Variants in AGBL1 observed in about 807,000 individuals in gnomAD.
AGBL1 encodes the protein cytosolic carboxypeptidase 4.
In AGBL1, 130 loss-of-function variants were observed where a neutral mutation model predicts 118.9. That is an observed-to-expected ratio of 1.09 (90% CI 0.95 to 1.26). AGBL1 has a LOEUF of 1.26. AGBL1 is among the 50% of genes most tolerant of loss of function. The pLI, the probability that AGBL1 is intolerant of heterozygous loss-of-function variation, is 0.00. For synonymous variants in AGBL1, 555 were observed against 478.9 expected (o/e 1.16, Z -2.08); for missense variants, 1,584 against 1,298.1 (o/e 1.22, Z -3.38).
intron 18 of AGBL1, among the ~76,000 whole-genome samples, chr15:86,464,145 C>A (rs575221407): frequency 6.6e-6 from 1 of 151,778 alleles, no homozygotes; most frequent in African/African-American, 2.4e-5. Context: ...CCCAGAAAGA[C>A]GGTCTTCGTG....
chr15:86,214,501 G>T (rs1246878654), intron 5 of AGBL1, among the ~76,000 whole-genome samples: 1 of 152,192 alleles, frequency 6.6e-6, no homozygotes, highest in Non-Finnish European at 1.5e-5. Flanking sequence ...ATGGACTTTT[G>T]AATTGTTTAA....
At chr15:86,798,914 G>C (rs886906130) in intron 22 of AGBL1, among the ~76,000 whole-genome samples, 2 of 151,958 alleles carry the variant, frequency 1.3e-5, no homozygotes, top group Non-Finnish European at 2.9e-5. Flanking sequence ...TTGACTTAAA[G>C]ATTTGGGGAA....
intron 18 of AGBL1, among the ~76,000 whole-genome samples, chr15:86,489,401 T>C (rs995238616): frequency 2.0e-5 from 3 of 152,174 alleles, no homozygotes; most frequent in Admixed American, 6.5e-5. Flanking sequence ...TTTCCACATA[T>C]ATCATCTGAC....
Position 86,262,264 on chromosome 15 carries a change from C to T in AGBL1, c.970-514C>T, listed in dbSNP as rs539264480. On this transcript the variant is annotated intron_variant, in intron 9 of 22. Transcript: ENST00000614907. Reference sequence around the variant, plus strand: ...ATTCATTTGTTTACTTTCTTCTTTACTGTTTTTCTTCTCTCGCTAAAAGGC... The same window carrying T: ...ATTCATTTGTTTACTTTCTTCTTTATTGTTTTTCTTCTCTCGCTAAAAGGC... Among the ~76,000 whole-genome samples, 14 of 152,010 alleles carry T rather than the reference C, an allele frequency of 9.2e-5. No homozygotes were observed. The East Asian group carries it at 1.4e-3, about 15-fold the overall frequency.
intron 1 of AGBL1, among the ~76,000 whole-genome samples, chr15:86,136,137 T>A (rs902530417): frequency 6.6e-6 from 1 of 152,082 alleles, no homozygotes; most frequent in South Asian, 2.1e-4. Flanking sequence ...GTTAATACCA[T>A]GGGAAGCAGT....
At chr15:86,630,962 TA>T in intron 21 of AGBL1, 2 of 160,314 alleles carry the variant, frequency 1.2e-5, no homozygotes, top group Non-Finnish European at 2.7e-5. Flanking sequence ...GGCTGAGGCC[TA>T]AAATGGCGTC....
At chr15:86,700,559 A>C (rs1257701705) in intron 22 of AGBL1, among the ~76,000 whole-genome samples, 1 of 151,878 alleles carries the variant, frequency 6.6e-6, no homozygotes, top group Non-Finnish European at 1.5e-5. Flanking sequence ...TAGTTTAGGC[A>C]ACAATATAGT....
At chr15:86,851,547 A>G (rs1229965124) in intron 22 of AGBL1, among the ~76,000 whole-genome samples, 9 of 152,206 alleles carry the variant, frequency 5.9e-5, no homozygotes, top group Admixed American at 4.6e-4. Context: ...GAATTTCCTG[A>G]AAACATCTTT....
intron 17 of AGBL1, among the ~76,000 whole-genome samples, chr15:86,302,899 G>A (rs186006983): frequency 6.6e-6 from 1 of 152,124 alleles, no homozygotes; most frequent in Admixed American, 6.6e-5. Flanking sequence ...ATGATAGGTA[G>A]CCTTCTTTTT....
chr15:86,934,251 T>C (rs1286744723), intron 23 of AGBL1, among the ~76,000 whole-genome samples: 2 of 152,200 alleles, frequency 1.3e-5, no homozygotes, highest in Non-Finnish European at 2.9e-5. Context: ...AACCCAATGT[T>C]CCCAGTGGCA....
At chr15:86,165,379 C>T (rs1466820038) in intron 5 of AGBL1, among the ~76,000 whole-genome samples, 1 of 152,078 alleles carries the variant, frequency 6.6e-6, no homozygotes, top group African/African-American at 2.4e-5. Context: ...TCTCCCTGCC[C>T]CCAAATCACT....
chr15:86,663,750 C>A (rs1435971844), intron 21 of AGBL1, among the ~76,000 whole-genome samples: 2 of 152,080 alleles, frequency 1.3e-5, no homozygotes, highest in Admixed American at 1.3e-4. Flanking sequence ...AAGTATAAAG[C>A]CTCTGTTGAA....
In AGBL1 at chr15:86,425,083, G is replaced by A. The variant is rs535806065; in HGVS notation, c.2555+27537G>A. ...ATAAATCACTCTGTTATAAAGACAC[G>A]TGCACACATATGTTTACTGCAGCAC... On this transcript the variant is annotated intron_variant, in intron 18 of 22. Coordinates refer to ENST00000614907, the MANE Select transcript of AGBL1 (RefSeq NM_001386094.1). Among the ~76,000 whole-genome samples the A allele has an allele frequency of 1.8e-3, 280 of 152,182 alleles. 7 individuals carry two copies. Among genetic ancestry groups the A allele is most frequent in the Non-Finnish European group, 2.3e-3 (156 of 68,008 alleles).
Position 86,737,632 on chromosome 15 carries a change from A to G in AGBL1, c.3158+63196A>G, listed in dbSNP as rs549064129. On this transcript the variant is annotated intron_variant, in intron 22 of 22. Coordinates refer to ENST00000614907, the MANE Select transcript of AGBL1 (RefSeq NM_001386094.1). ...CTACGTAGGGTATGTTTCAGGGAGAATGACATCTGGGAGAATGAGCACAGC... is the reference window on the plus strand; with the variant it reads ...CTACGTAGGGTATGTTTCAGGGAGAGTGACATCTGGGAGAATGAGCACAGC... 4.6e-5 allele frequency among the ~76,000 whole-genome samples: 7 copies of G among 152,200 alleles called. No homozygotes were observed. In the South Asian group the frequency reaches 1.5e-3, roughly 32 times the overall value.
At chr15:86,089,931 C>T (rs1895911121) in intron 1 of AGBL1, among the ~76,000 whole-genome samples, 1 of 152,146 alleles carries the variant, frequency 6.6e-6, no homozygotes, top group African/African-American at 2.4e-5. Context: ...TTTTGCACTG[C>T]AGAAGAGGTT....
rs2080957856 is a variant in AGBL1, at chr15:86,370,585, G to A, written c.2375-26781G>A. 2.0e-5 allele frequency among the ~76,000 whole-genome samples: 3 copies of A among 152,136 alleles called. No individual in the cohort carries two copies. In the South Asian group the frequency reaches 6.2e-4, roughly 32 times the overall value. On this transcript the variant is annotated intron_variant, in intron 17 of 22. Coordinates refer to ENST00000614907, the MANE Select transcript of AGBL1 (RefSeq NM_001386094.1). Reference sequence around the variant, plus strand: ...TCTGGGATTACAGGCGTGAGCCACTGTGCCTGGCCTGTTTCTATTCTTTAA... The same window carrying A: ...TCTGGGATTACAGGCGTGAGCCACTATGCCTGGCCTGTTTCTATTCTTTAA...
chr15:86,899,352 A>C (rs918764517), intron 22 of AGBL1, among the ~76,000 whole-genome samples: 5 of 152,274 alleles, frequency 3.3e-5, no homozygotes, highest in Admixed American at 2.0e-4. Flanking sequence ...TTTTAAACCC[A>C]AAAAGGAAAC....
intron 1 of AGBL1, among the ~76,000 whole-genome samples, chr15:86,126,197 C>T (rs1898419649): frequency 1.3e-5 from 2 of 152,128 alleles, no homozygotes; most frequent in African/African-American, 4.8e-5. Context: ...CGCCTGCTGA[C>T]ATTGATTTTC....
chr15:86,716,846 G>T (rs976447526), intron 22 of AGBL1, among the ~76,000 whole-genome samples: 1 of 152,194 alleles, frequency 6.6e-6, no homozygotes, highest in Non-Finnish European at 1.5e-5. Flanking sequence ...GAGGTTAAAA[G>T]CTCAGGTTCT....
Sources: gnomAD v4.1 joint callset for allele counts (sites outside exome capture counted in the v4.1 genomes callset) on GRCh38, gnomAD v4.1.1 for gene constraint, MANE v1.5 for transcripts, NCBI Gene and HGNC (gene_info 2026-07-23, HGNC 2026-07-21) for gene names.